The following AP3S2 variants were observed in gnomAD, a reference collection of about 807,000 sequenced individuals.
AP3S2 encodes AP-3 complex subunit sigma-2.
AP3S2 carries 22 observed loss-of-function variants against 23.4 expected under a neutral mutation model. The observed-to-expected ratio is 0.94, with a 90% CI of 0.67 to 1.34. AP3S2 has a LOEUF of 1.34. AP3S2 is among the 40% of genes most tolerant of loss of function. The probability of loss-of-function intolerance (pLI) is 0.00; values close to 1 mark genes in which losing one functional copy is unlikely to be tolerated. For synonymous variants in AP3S2, 86 were observed against 87.1 expected (o/e 0.99, Z 0.07); for missense variants, 241 against 236.9 (o/e 1.02, Z -0.11).
chr15:89,839,021 C>T (rs995707935), intron 4 of AP3S2, among the ~76,000 whole-genome samples: 1 of 152,142 alleles, frequency 6.6e-6, no homozygotes, highest in Non-Finnish European at 1.5e-5. Context: ...GTGGGGCTGT[C>T]CTGTCACTGT....
intron 3 of AP3S2, among the ~76,000 whole-genome samples, chr15:89,874,693 G>A (rs1393239404): frequency 1.3e-5 from 2 of 152,138 alleles, no homozygotes; most frequent in African/African-American, 4.8e-5. Context: ...GAGGTGGGAG[G>A]ATTGCTTGAG....
At chr15:89,857,679 T>C (rs552892649) in intron 4 of AP3S2, among the ~76,000 whole-genome samples, 68 of 152,346 alleles carry the variant, frequency 4.5e-4, no homozygotes, top group African/African-American at 1.3e-3. Flanking sequence ...TCCTCTATTT[T>C]TCTGTTACTA....
At chr15:89,886,287 G>C (rs981658575) in intron 3 of AP3S2, among the ~76,000 whole-genome samples, 1 of 152,072 alleles carries the variant, frequency 6.6e-6, no homozygotes, top group African/African-American at 2.4e-5. Flanking sequence ...GGAGGTTGTG[G>C]TGAGCTGAGA....
At chr15:89,855,704 G>A (rs1391065972) in intron 4 of AP3S2, among the ~76,000 whole-genome samples, 2 of 140,690 alleles carry the variant, frequency 1.4e-5, no homozygotes, top group Admixed American at 7.1e-5. Context: ...AAAAAAATTA[G>A]CTGGGCGTGG....
In AP3S2 at chr15:89,871,516, C is replaced by T. The variant is rs148740750; in HGVS notation, c.304G>A (p.Glu102Lys). 2.7e-5 allele frequency: 44 copies of T among 1,613,588 alleles called. No individual in the cohort carries two copies. Among genetic ancestry groups the T allele is most frequent in the Non-Finnish European group, 3.2e-5 (38 of 1,179,858 alleles). Residue 102 changes from glutamate (E) to lysine (K), a missense_variant, in exon 4 of 6, where the codon GAA (glutamate) becomes AAA (lysine). Coordinates refer to ENST00000336418, the MANE Select transcript of AP3S2 (RefSeq NM_005829.5). ...VFVETLDKCF[E>K]NVCELDLIFH... is the part of the protein sequence containing the mutation. Reference sequence around the variant, plus strand: ...ATCAAATCCAATTCACACACATTTTCGAAACACTTATCCAGAGTTTCCACA... The same window carrying T: ...ATCAAATCCAATTCACACACATTTTTGAAACACTTATCCAGAGTTTCCACA...
At chr15:89,880,598 CA>C (rs1355786849) in intron 3 of AP3S2, among the ~76,000 whole-genome samples, 1 of 151,040 alleles carries the variant, frequency 6.6e-6, no homozygotes, top group African/African-American at 2.4e-5. Context: ...CGCTTGAACC[CA>C]GGAGGCGGAG....
chr15:89,867,934 CCCCCACCCGGCCAGCCG>C (rs1251401756), intron 4 of AP3S2, among the ~76,000 whole-genome samples: 8 of 147,652 alleles, frequency 5.4e-5, no homozygotes, highest in African/African-American at 1.7e-4. Context: ...GGGGGTCAGC[CCCCCACCCGGCCAGCCG>C]CCCCATCCGG....
chr15:89,880,109 C>G (rs1896536061), intron 3 of AP3S2, among the ~76,000 whole-genome samples: 1 of 151,440 alleles, frequency 6.6e-6, no homozygotes, highest in African/African-American at 2.4e-5. Flanking sequence ...CTAGACTTCA[C>G]TGGAGTCTGG....
At chr15:89,863,695 C>T (rs924954142) in intron 4 of AP3S2, among the ~76,000 whole-genome samples, 2 of 152,158 alleles carry the variant, frequency 1.3e-5, no homozygotes, top group Non-Finnish European at 2.9e-5. Context: ...CCTACTACTC[C>T]GGCCACATCT....
intron 4 of AP3S2, among the ~76,000 whole-genome samples, chr15:89,867,070 G>C (rs970423735): frequency 7.6e-6 from 1 of 131,298 alleles, no homozygotes; most frequent in Non-Finnish European, 1.6e-5. Context: ...CCTCTCATGC[G>C]GAGCCGAAGC....
chr15:89,855,578 G>T (rs1895809633), intron 4 of AP3S2, among the ~76,000 whole-genome samples: 1 of 146,156 alleles, frequency 6.8e-6, no homozygotes, highest in Admixed American at 6.8e-5. Flanking sequence ...GCCAGCTGTG[G>T]TGGCTCACGA....
chr15:89,878,150 C>A (rs188937610), intron 3 of AP3S2: 167 of 515,706 alleles, frequency 3.2e-4, no homozygotes, highest in African/African-American at 3.1e-3. Context: ...GTTAGAAGAT[C>A]TTGCCACTGG....
intron 5 of AP3S2, 62 bp downstream of exon 5, chr15:89,837,553 A>G (rs927840450): frequency 1.9e-6 from 3 of 1,596,500 alleles, no homozygotes; most frequent in African/African-American, 2.7e-5. Context: ...ACATGTACAC[A>G]CTCCTGCCTC....
rs1357333398 is a variant in AP3S2, at chr15:89,858,485, AAGAAAGAAAG to A, written c.345+12980_345+12989del. Among the ~76,000 whole-genome samples the A allele has an allele frequency of 2.8e-3, 109 of 38,886 alleles. 2 individuals carry two copies. In the Middle Eastern group the frequency reaches 0.031, roughly 11 times the overall value. The allele number at this position is 38,886 out of a possible 152,430, so 25.5% of individuals were successfully genotyped here. A position where few individuals can be genotyped will look rare whatever the true frequency, so the allele number is the denominator to read the frequency against. ...AAAGAAAGAAAGAAAGAAAGAAAGA[AAGAAAGAAAG>A]AGAGAGAGAGAGAGAGAGAGAGAGA... On this transcript the variant is annotated intron_variant, in intron 4 of 5. Transcript: ENST00000336418.
intron 1 of AP3S2, among the ~76,000 whole-genome samples, chr15:89,890,666 A>T (rs1043840540): frequency 5.3e-5 from 8 of 152,226 alleles, no homozygotes; most frequent in Admixed American, 5.2e-4. Context: ...TGGGGACCAC[A>T]CTTTGAGTAA....
At chr15:89,850,059 C>T (rs976461397) in intron 4 of AP3S2, among the ~76,000 whole-genome samples, 1 of 152,120 alleles carries the variant, frequency 6.6e-6, no homozygotes, top group African/African-American at 2.4e-5. Flanking sequence ...TATTTTAATG[C>T]TAAGATTCCT....
At chr15:89,859,386 C>CTTTT (rs1491354078) in intron 4 of AP3S2, among the ~76,000 whole-genome samples, 3 of 59,760 alleles carry the variant, frequency 5.0e-5, no homozygotes, top group Admixed American at 4.7e-4. Context: ...TCCTTCCTTC[C>CTTTT]TTTTCTTTCT....
chr15:89,845,348 G>C (rs538798896), intron 4 of AP3S2: 5 of 152,374 alleles, frequency 3.3e-5, no homozygotes, highest in African/African-American at 1.2e-4. Flanking sequence ...TCAAGTGTAA[G>C]TGAGCAATGG....
chr15:89,856,397 T>C (rs1895836850), intron 4 of AP3S2, among the ~76,000 whole-genome samples: 2 of 152,060 alleles, frequency 1.3e-5, no homozygotes, highest in South Asian at 4.2e-4. Flanking sequence ...ACCCTGTCTC[T>C]ACTAAAAAAT....
Sources: gnomAD v4.1 joint callset for allele counts (sites outside exome capture counted in the v4.1 genomes callset) on GRCh38, gnomAD v4.1.1 for gene constraint, MANE v1.5 for transcripts, NCBI Gene and HGNC (gene_info 2026-07-23, HGNC 2026-07-21) for gene names.